Variants in PCSK5 observed in about 807,000 individuals in gnomAD.
PCSK5 encodes prohormone convertase 5.
In PCSK5, 129 loss-of-function variants were observed where a neutral mutation model predicts 233.2. The observed-to-expected ratio is 0.55, with a 90% CI of 0.48 to 0.64. PCSK5 has a LOEUF of 0.64. Ranked by LOEUF, PCSK5 falls within the 30% of genes least tolerant of loss-of-function variation. PCSK5 has a pLI of 0.00. For synonymous variants in PCSK5, 825 were observed against 879.2 expected (o/e 0.94, Z 1.09); for missense variants, 2,076 against 2,430.1 (o/e 0.85, Z 3.06).
chr9:76,229,886 C>T (rs1308428882), intron 21 of PCSK5, among the ~76,000 whole-genome samples: 2 of 152,198 alleles, frequency 1.3e-5, no homozygotes, highest in Non-Finnish European at 2.9e-5. Context: ...GGTTCACTTC[C>T]TATGAAAAGG....
intron 27 of PCSK5, 66 bp downstream of exon 27, chr9:76,296,931 A>C: frequency 9.5e-7 from 1 of 1,051,784 alleles, no homozygotes; most frequent in Non-Finnish European, 1.4e-6. Context: ...TCCTTCTATA[A>C]CTCTGGTTTT....
intron 1 of PCSK5, among the ~76,000 whole-genome samples, chr9:75,898,951 G>A (rs973162469): frequency 6.6e-6 from 1 of 152,198 alleles, no homozygotes; most frequent in Non-Finnish European, 1.5e-5. Flanking sequence ...GTTCAGTCAC[G>A]CCTTGGGAGA....
At chr9:76,024,470 C>A (rs1341924794) in intron 4 of PCSK5, among the ~76,000 whole-genome samples, 3 of 152,154 alleles carry the variant, frequency 2.0e-5, no homozygotes, top group Non-Finnish European at 4.4e-5. Flanking sequence ...TCAGGTTAGT[C>A]TCCTCCTTTG....
At chr9:76,310,617 G>A in intron 29 of PCSK5, 39 bp from the exon 30 acceptor site, 1 of 1,358,886 alleles carries the variant, frequency 7.4e-7, no homozygotes, top group Non-Finnish European at 9.9e-7. Context: ...AAAACCACAT[G>A]ATGACTATTC....
At chr9:75,965,291 G>A (rs974897602) in intron 2 of PCSK5, among the ~76,000 whole-genome samples, 2 of 141,758 alleles carry the variant, frequency 1.4e-5, no homozygotes, top group Non-Finnish European at 3.1e-5. Flanking sequence ...GTGTGTGTGT[G>A]GAGAGAGAGA....
At chr9:76,182,224 CA>C (rs1823903995) in intron 16 of PCSK5, among the ~76,000 whole-genome samples, 1 of 152,194 alleles carries the variant, frequency 6.6e-6, no homozygotes, top group Non-Finnish European at 1.5e-5. Flanking sequence ...TTGCTAAGGA[CA>C]ACATTCAGGC....
At chr9:76,235,987 C>A (rs73652906) in intron 22 of PCSK5, among the ~76,000 whole-genome samples, 3,745 of 152,264 alleles carry the variant, frequency 0.025, 144 homozygotes, top group African/African-American at 0.084. Flanking sequence ...CCCCTCCTAC[C>A]AATTTGTAGA....
chr9:76,148,618 T>G (rs1228366161), intron 10 of PCSK5, among the ~76,000 whole-genome samples: 2 of 152,142 alleles, frequency 1.3e-5, no homozygotes, highest in African/African-American at 2.4e-5. Flanking sequence ...AAAGCTGGCC[T>G]CTGTTGACAG....
intron 15 of PCSK5, among the ~76,000 whole-genome samples, chr9:76,180,087 G>GTATATATATATATATATATA (rs1554701013): frequency 7.5e-6 from 1 of 132,598 alleles, no homozygotes; most frequent in African/African-American, 2.9e-5. Context: ...GTGTGTGTGT[G>GTATATATATATATATATATA]TATATATATA....
At chr9:76,107,489 G>A (rs956495472) in intron 9 of PCSK5, 138 bp downstream of exon 9, 4 of 511,970 alleles carry the variant, frequency 7.8e-6, no homozygotes, top group African/African-American at 7.7e-5. Context: ...AACTTCAAAG[G>A]TTTGGGCTTT....
At chr9:76,150,209 G>A (rs1054421964) in intron 10 of PCSK5, among the ~76,000 whole-genome samples, 1 of 152,278 alleles carries the variant, frequency 6.6e-6, no homozygotes, top group Non-Finnish European at 1.5e-5. Flanking sequence ...TGAAGTGCAG[G>A]CCCAGGAGAC....
chr9:75,916,535 T>G (rs1158159243), intron 1 of PCSK5, among the ~76,000 whole-genome samples: 1 of 152,092 alleles, frequency 6.6e-6, no homozygotes, highest in Non-Finnish European at 1.5e-5. Context: ...AAGAAGACTT[T>G]GACTTCGGAA....
At chr9:76,292,137 A>G in intron 24 of PCSK5, 96 bp from the exon 25 acceptor site, 1 of 753,854 alleles carries the variant, frequency 1.3e-6, no homozygotes, top group South Asian at 1.5e-5. Context: ...AAACTATCCC[A>G]CAGGATTGTT....
chr9:75,977,667 G>A (rs898610349), intron 2 of PCSK5, among the ~76,000 whole-genome samples: 3 of 150,308 alleles, frequency 2.0e-5, no homozygotes, highest in African/African-American at 7.3e-5. Flanking sequence ...CAGGAGTGCA[G>A]TAGCGTGATC....
intron 31 of PCSK5, 119 bp from the exon 32 acceptor site, chr9:76,322,933 G>A: frequency 3.1e-6 from 2 of 642,170 alleles, no homozygotes; most frequent in Non-Finnish European, 5.5e-6. Context: ...TGGGTAAAGG[G>A]CAAGCATACT....
intron 10 of PCSK5, among the ~76,000 whole-genome samples, chr9:76,152,204 G>A (rs1052177295): frequency 1.3e-5 from 2 of 152,098 alleles, no homozygotes; most frequent in Non-Finnish European, 2.9e-5. Flanking sequence ...TCAGTTGCAC[G>A]TACGGTGACC....
chr9:76,161,103 T>C (rs1822833098), intron 12 of PCSK5, among the ~76,000 whole-genome samples: 1 of 152,244 alleles, frequency 6.6e-6, no homozygotes, highest in Non-Finnish European at 1.5e-5. Flanking sequence ...GTGCATTTTA[T>C]TTCTGTGCTT....
chr9:75,958,568 G>A (rs1042099418), intron 2 of PCSK5, among the ~76,000 whole-genome samples: 14 of 152,158 alleles, frequency 9.2e-5, no homozygotes, highest in Non-Finnish European at 1.5e-4. Context: ...GAGGATCCAG[G>A]CCATTACCTG....
chr9:75,911,745 T>TG (rs1398058214), intron 1 of PCSK5, among the ~76,000 whole-genome samples: 1 of 152,048 alleles, frequency 6.6e-6, no homozygotes. Flanking sequence ...TGGAGAGTGG[T>TG]GGGGGACCTG....
Sources: allele counts gnomAD v4.1 joint callset (sites outside exome capture counted in the v4.1 genomes callset), GRCh38; gene constraint gnomAD v4.1.1; transcripts MANE v1.5; gene names NCBI Gene and HGNC (gene_info 2026-07-23, HGNC 2026-07-21).